Variants in KIF6 observed in about 807,000 individuals in gnomAD.
KIF6 encodes kinesin-like protein KIF6.
In KIF6, 106 loss-of-function variants were observed where a neutral mutation model predicts 112.7. The ratio of observed to expected loss-of-function variants is 0.94; its 90% CI spans 0.80 to 1.11. KIF6 has a LOEUF of 1.11. Ranked by LOEUF, KIF6 falls within the 50% of genes least tolerant of loss-of-function variation. The pLI, the probability that KIF6 is intolerant of heterozygous loss-of-function variation, is 0.00. For synonymous variants in KIF6, 339 were observed against 339.9 expected (o/e 1.00, Z 0.03); for missense variants, 929 against 964.0 (o/e 0.96, Z 0.48).
chr6:39,718,690 T>C (rs1031597711), intron 2 of KIF6: 1 of 149,886 alleles, frequency 6.7e-6, no homozygotes, highest in Non-Finnish European at 1.5e-5. Context: ...GAACTGAGAT[T>C]GTAGCACTGT....
intron 19 of KIF6, among the ~76,000 whole-genome samples, chr6:39,352,534 G>C (rs1764333661): frequency 6.6e-6 from 1 of 151,250 alleles, no homozygotes; most frequent in African/African-American, 2.4e-5. Context: ...ATAATACATA[G>C]TCTTTTCATA....
intron 3 of KIF6, among the ~76,000 whole-genome samples, chr6:39,693,855 A>C (rs1788368733): frequency 6.6e-6 from 1 of 152,112 alleles, no homozygotes; most frequent in Admixed American, 6.5e-5. Context: ...AATCTGGCAA[A>C]GACACAACAA....
intron 13 of KIF6, among the ~76,000 whole-genome samples, chr6:39,527,022 T>C (rs1175078380): frequency 6.6e-6 from 1 of 152,250 alleles, no homozygotes; most frequent in Non-Finnish European, 1.5e-5. Flanking sequence ...TATCAAATTC[T>C]CCTTGAGCTT....
intron 13 of KIF6, among the ~76,000 whole-genome samples, chr6:39,477,426 T>C (rs1774495826): frequency 1.3e-5 from 2 of 152,156 alleles, no homozygotes; most frequent in Admixed American, 1.3e-4. Flanking sequence ...TGTTGCAGCA[T>C]CACCTATAAC....
intron 15 of KIF6, among the ~76,000 whole-genome samples, chr6:39,418,613 G>A (rs1299776806): frequency 6.6e-6 from 1 of 152,106 alleles, no homozygotes; most frequent in Non-Finnish European, 1.5e-5. Flanking sequence ...TCAGTTAGAG[G>A]TTAGTAGAAA....
At chr6:39,662,882 CT>C (rs140353383) in intron 3 of KIF6, among the ~76,000 whole-genome samples, 10,196 of 151,774 alleles carry the variant, frequency 0.067, 403 homozygotes, top group Middle Eastern at 0.11. Flanking sequence ...AGCTTAGTAT[CT>C]TTTTTTCTTT....
intron 13 of KIF6, among the ~76,000 whole-genome samples, chr6:39,477,014 G>A (rs1018684832): frequency 6.6e-6 from 1 of 152,092 alleles, no homozygotes; most frequent in Non-Finnish European, 1.5e-5. Flanking sequence ...ACTTTGTAGC[G>A]AGGCATTTGG....
chr6:39,659,323 C>G (rs1785988873), intron 3 of KIF6, among the ~76,000 whole-genome samples: 1 of 152,152 alleles, frequency 6.6e-6, no homozygotes, highest in African/African-American at 2.4e-5. Flanking sequence ...AAAATTATCT[C>G]ATTAATCTGA....
At chr6:39,385,272 T>C (rs1299710560) in intron 16 of KIF6, among the ~76,000 whole-genome samples, 4 of 152,208 alleles carry the variant, frequency 2.6e-5, no homozygotes, top group African/African-American at 7.2e-5. Flanking sequence ...ACTATTTCTG[T>C]TAGGATTAGT....
intron 15 of KIF6, among the ~76,000 whole-genome samples, chr6:39,401,852 T>C (rs1019535624): frequency 1.1e-4 from 17 of 152,170 alleles, no homozygotes; most frequent in African/African-American, 4.1e-4. Flanking sequence ...CTGTAGTTAA[T>C]ATAGTCTCTT....
At chr6:39,589,422 C>T (rs534186284) in intron 7 of KIF6, among the ~76,000 whole-genome samples, 55 of 152,342 alleles carry the variant, frequency 3.6e-4, no homozygotes, top group African/African-American at 1.2e-3. Flanking sequence ...GAGACGTTGT[C>T]TCTCTTCTTC....
At position 39,391,297 on chromosome 6, in the gene KIF6, G is replaced by A. The variant is rs112110525; in HGVS notation, c.1811-5625C>T. On this transcript the variant is annotated intron_variant, in intron 15 of 22. Transcript: ENST00000287152. ...CTAAAACAGCGCCATGCGGAACAGG[G>A]TAAGAGTCTGGCACATTGTTTGAGG... Among the ~76,000 whole-genome samples, 1,102 of 152,314 alleles carry A rather than the reference G, an allele frequency of 7.2e-3. 14 individuals are homozygous for A. The highest frequency in any genetic ancestry group is 0.025 in the African/African-American group (1,046 of 41,558).
chr6:39,421,376 C>A (rs1770349628), intron 14 of KIF6, among the ~76,000 whole-genome samples: 1 of 152,202 alleles, frequency 6.6e-6, no homozygotes, highest in Non-Finnish European at 1.5e-5. Flanking sequence ...AGTTTTATTT[C>A]AACTATTTCC....
chr6:39,645,358 T>C (rs1785106243), intron 3 of KIF6, among the ~76,000 whole-genome samples: 2 of 152,272 alleles, frequency 1.3e-5, no homozygotes, highest in South Asian at 4.2e-4. Flanking sequence ...AAGTTTAGTT[T>C]TTCCATTTGT....
chr6:39,586,271 C>T lies in KIF6; in HGVS notation c.980G>A (p.Arg327Lys). Residue 327 changes from arginine to lysine, a missense_variant, in exon 8 of 23, where the codon AGG becomes AAG. This residue lies in a region of KIF6 where 688 missense variants were observed against 662.7 expected (regional missense o/e 1.04). Coordinates refer to ENST00000287152, the MANE Select transcript of KIF6 (RefSeq NM_145027.6). ...TMIATLSLEK[R>K]NLDESISTCR... ...GAAGAGCCCACATACATCAAGATTC[C>T]TTTTCTCCAAGGAGAGTGTTGCAAT... 1 of 1,614,152 alleles carries T rather than the reference C, an allele frequency of 6.2e-7. No homozygotes were observed. Among genetic ancestry groups the T allele is most frequent in the Non-Finnish European group, 8.5e-7 (1 of 1,180,004 alleles).
At chr6:39,607,297 T>C (rs933818590) in intron 6 of KIF6, among the ~76,000 whole-genome samples, 5 of 152,154 alleles carry the variant, frequency 3.3e-5, no homozygotes, top group African/African-American at 1.2e-4. Context: ...ACAAATCTCA[T>C]GGTTCATGTA....
rs138400997 is a variant in KIF6, at chr6:39,379,384, C to A, written c.1861+6238G>T. ...TCTGGAAGTCACCTGGGGAAGCATTCATCTGGCCATTGACTTGGCCTATTT... is the reference window on the plus strand; with the variant it reads ...TCTGGAAGTCACCTGGGGAAGCATTAATCTGGCCATTGACTTGGCCTATTT... On this transcript the variant is annotated intron_variant, in intron 16 of 22. Transcript: ENST00000287152. 5.5e-3 allele frequency among the ~76,000 whole-genome samples: 843 copies of A among 152,340 alleles called. 13 individuals are homozygous for A. Among genetic ancestry groups the A allele is most frequent in the African/African-American group, 0.019 (804 of 41,572 alleles).
At chr6:39,507,281 G>T (rs1776475239) in intron 13 of KIF6, among the ~76,000 whole-genome samples, 1 of 152,168 alleles carries the variant, frequency 6.6e-6, no homozygotes, top group African/African-American at 2.4e-5. Flanking sequence ...GGTGCCCAGA[G>T]AACTGGAGAA....
At chr6:39,401,448 A>C (rs1768693282) in intron 15 of KIF6, among the ~76,000 whole-genome samples, 1 of 152,168 alleles carries the variant, frequency 6.6e-6, no homozygotes, top group Non-Finnish European at 1.5e-5. Flanking sequence ...GAAGGCAGCC[A>C]ATCTAGGGGG....
Sources: allele counts gnomAD v4.1 joint callset (sites outside exome capture counted in the v4.1 genomes callset), GRCh38; gene constraint gnomAD v4.1.1; regional missense constraint gnomAD v4.1.1; transcripts MANE v1.5; gene names NCBI Gene and HGNC (gene_info 2026-07-23, HGNC 2026-07-21).